Variants in PCDHGA7 observed in about 807,000 individuals in gnomAD.
The protein encoded by PCDHGA7 is protocadherin gamma subfamily A, 7.
A neutral mutation model predicts 58.3 loss-of-function variants in PCDHGA7; 44 were observed. The ratio of observed to expected loss-of-function variants is 0.75; its 90% confidence interval spans 0.59 to 0.97. The LOEUF (loss-of-function observed/expected upper bound fraction) is 0.97, where lower values mean the gene tolerates loss of function less well. Ranked by LOEUF, PCDHGA7 falls within the 50% of genes least tolerant of loss-of-function variation. The pLI is 0.00. For synonymous variants in PCDHGA7, 516 were observed against 504.2 expected (o/e 1.02, Z -0.31); for missense variants, 1,266 against 1,188.7 (o/e 1.06, Z -0.96).
chr5:141,433,939 A>T (rs1015984226), intron 1 of PCDHGA7, among the ~76,000 whole-genome samples: 2 of 151,714 alleles, frequency 1.3e-5, no homozygotes, highest in Non-Finnish European at 2.9e-5. Context: ...TTATAATTCC[A>T]TTGTTTCTTC....
At chr5:141,409,847 C>T (rs2095325421) in intron 1 of PCDHGA7, 3 of 1,611,712 alleles carry the variant, frequency 1.9e-6, no homozygotes, top group East Asian at 2.2e-5. Context: ...CGTGAGCCTG[C>T]GCGTGTTGGT....
intron 1 of PCDHGA7, chr5:141,422,357 C>G: frequency 6.4e-7 from 1 of 1,557,656 alleles, no homozygotes; most frequent in African/African-American, 1.4e-5. Flanking sequence ...GATCAAGATT[C>G]TGGAGAAAAT....
At chr5:141,428,146 C>T (rs549173211) in intron 1 of PCDHGA7, 15 of 1,589,346 alleles carry the variant, frequency 9.4e-6, no homozygotes, top group East Asian at 2.2e-5. Context: ...GGGCTGCACA[C>T]GGGAACCTGC....
rs746318177 is a variant in PCDHGA7 at position 141,431,715 on chromosome 5, T to G, written c.2424+46392T>G. On this transcript the variant is annotated intron_variant, in intron 1 of 3. Coordinates refer to ENST00000518325, the MANE Select transcript of PCDHGA7 (RefSeq NM_018920.4). The surrounding 1 kb of genome is among the most constrained non-coding windows in gnomAD (Gnocchi z 4.8). Reference sequence around the variant, plus strand: ...GAGTCAGGATTCTACCAGATGGAAGTGCAAGCAATGGATAATGCAGGATAT... The same window carrying G: ...GAGTCAGGATTCTACCAGATGGAAGGGCAAGCAATGGATAATGCAGGATAT... 5.6e-6 allele frequency: 9 copies of G among 1,614,178 alleles called. No homozygotes were observed. The highest frequency in any genetic ancestry group is 6.8e-6 in the Non-Finnish European group (8 of 1,180,042).
chr5:141,476,535 T>C lies in PCDHGA7; in HGVS notation c.2425-18272T>C. 5 of 1,614,038 alleles carry C rather than the reference T, an allele frequency of 3.1e-6. No individual in the cohort carries two copies. The highest frequency in any genetic ancestry group is 4.2e-6 in the Non-Finnish European group (5 of 1,180,010). On this transcript the variant is annotated intron_variant, in intron 1 of 3. Coordinates refer to ENST00000518325, the MANE Select transcript of PCDHGA7 (RefSeq NM_018920.4). The surrounding 1 kb of genome is among the most constrained non-coding windows in gnomAD (Gnocchi z 7.6). ...AATCCTGCTTTCCCTACCCAGGAAA[T>C]GAAATTGGAGATTAGCGAGGCCGTG...
chr5:141,487,593 C>G lies in PCDHGA7; in HGVS notation c.2425-7214C>G. The G allele has an allele frequency of 6.2e-7, 1 of 1,614,206 alleles. No homozygotes were observed. Among genetic ancestry groups the G allele is most frequent in the African/African-American group, 1.3e-5 (1 of 75,062 alleles). On this transcript the variant is annotated intron_variant, in intron 1 of 3. Coordinates refer to ENST00000518325, the MANE Select transcript of PCDHGA7 (RefSeq NM_018920.4). This position sits in a 1 kb window ranked among gnomAD's most constrained non-coding sequence, Gnocchi z 5.0. ...CCTGTTCGCCCAAGCTGCCCACCCT[C>G]TGATCTTCTCTATGGGCTAGAGGTG...
In PCDHGA7 at chr5:141,407,982, G is replaced by C. The variant is rs976187867; in HGVS notation, c.2424+22659G>C. On this transcript the variant is annotated intron_variant, in intron 1 of 3. Coordinates refer to ENST00000518325, the MANE Select transcript of PCDHGA7 (RefSeq NM_018920.4). Reference sequence around the variant, plus strand: ...GAGCAAGCGCTGACGCCGGGGATCCGTCAGCCTCTGGCCTGGGATTCCCTG... The same window carrying C: ...GAGCAAGCGCTGACGCCGGGGATCCCTCAGCCTCTGGCCTGGGATTCCCTG... 1.5e-4 allele frequency: 114 copies of C among 783,006 alleles called. 1 individual carries two copies. Among genetic ancestry groups the C allele is most frequent in the African/African-American group, 9.1e-4 (52 of 57,436 alleles). The allele number at this position is 783,006 out of a possible 1,614,324, so 48.5% of individuals were successfully genotyped here.
intron 1 of PCDHGA7, chr5:141,417,858 C>A (rs561149517): frequency 1.3e-6 from 2 of 1,547,240 alleles, no homozygotes; most frequent in African/African-American, 1.4e-5. Context: ...CCCGAGCGAA[C>A]GATGGGAGGG....
At chr5:141,398,396 T>A (rs1191920974) in intron 1 of PCDHGA7, 1 of 1,465,660 alleles carries the variant, frequency 6.8e-7, no homozygotes, top group South Asian at 1.2e-5. Flanking sequence ...AGCAGCAGGC[T>A]AGACAGGGAG....
intron 1 of PCDHGA7, among the ~76,000 whole-genome samples, chr5:141,461,968 C>A (rs2099027589): frequency 6.6e-6 from 1 of 152,204 alleles, no homozygotes; most frequent in African/African-American, 2.4e-5. Context: ...GGATTCCAGG[C>A]ATATGCCACC....
intron 1 of PCDHGA7, among the ~76,000 whole-genome samples, chr5:141,475,732 C>T (rs2099367914): frequency 6.6e-6 from 1 of 152,248 alleles, no homozygotes; most frequent in Non-Finnish European, 1.5e-5. Context: ...GCTGGCTTTC[C>T]CTAAGGTAGG....
At chr5:141,461,291 C>A (rs892436619) in intron 1 of PCDHGA7, among the ~76,000 whole-genome samples, 1 of 152,128 alleles carries the variant, frequency 6.6e-6, no homozygotes, top group African/African-American at 2.4e-5. Flanking sequence ...CACATCCACA[C>A]CAACATCTAT....
At chr5:141,500,809 A>G (rs1018522111) in intron 2 of PCDHGA7, among the ~76,000 whole-genome samples, 1 of 152,324 alleles carries the variant, frequency 6.6e-6, no homozygotes, top group African/African-American at 2.4e-5. Context: ...CCTCATATGA[A>G]TATACATATT....
chr5:141,384,433 G>A lies in PCDHGA7; in HGVS notation c.1534G>A (p.Gly512Arg), dbSNP rs1351940709. Residue 512 changes from glycine (G) to arginine (R), a missense_variant, in exon 1 of 4, where the codon GGA becomes AGA. Coordinates refer to ENST00000518325, the MANE Select transcript of PCDHGA7 (RefSeq NM_018920.4). ...CTATGTCTCCATAAACTCTGACACT[G>A]GAGTCCTGTACGCGCTGCAATCCTT... The part of the protein sequence containing the change: ...SSYVSINSDT[G>R]VLYALQSFDY... The A allele has an allele frequency of 6.2e-7, 1 of 1,613,998 alleles. No individual in the cohort carries two copies.
In PCDHGA7 at chr5:141,489,984, T is replaced by C; in HGVS notation, c.2425-4823T>C. The C allele has an allele frequency of 1.2e-6, 2 of 1,614,212 alleles. No homozygotes were observed. Among genetic ancestry groups the C allele is most frequent in the South Asian group, 1.1e-5 (1 of 91,090 alleles). ...CAACCTTCCAATCCTCAGTTCTACG[T>C]GTGGGAATCCCAGAGAATGCACCCA... On this transcript the variant is annotated intron_variant, in intron 1 of 3. Transcript: ENST00000518325. The surrounding 1 kb of genome is among the most constrained non-coding windows in gnomAD (Gnocchi z 4.5).
At chr5:141,430,680 C>T (rs990086941) in intron 1 of PCDHGA7, 1 of 1,343,242 alleles carries the variant, frequency 7.4e-7, no homozygotes, top group Non-Finnish European at 1.0e-6. Flanking sequence ...TCCCAACTGT[C>T]CCATTCTATG....
At chr5:141,405,096 G>A (rs2094608531) in intron 1 of PCDHGA7, 6 of 1,613,808 alleles carry the variant, frequency 3.7e-6, no homozygotes, top group Admixed American at 1.7e-5. Flanking sequence ...CTGGCCCTCA[G>A]GCTGAGGCAC....
chr5:141,478,445 G>C (rs773567457), intron 1 of PCDHGA7: 1 of 1,613,570 alleles, frequency 6.2e-7, no homozygotes, highest in Non-Finnish European at 8.5e-7. Flanking sequence ...GAAGAAACCT[G>C]GTGCAGCCAG....
rs2096665320 is a variant in PCDHGA7 at position 141,422,696 on chromosome 5, A to G, written c.2424+37373A>G. The G allele has an allele frequency of 3.1e-6, 5 of 1,602,638 alleles. No homozygotes were observed. The highest frequency in any genetic ancestry group is 4.3e-6 in the Non-Finnish European group (5 of 1,174,110). On this transcript the variant is annotated intron_variant, in intron 1 of 3. Coordinates refer to ENST00000518325, the MANE Select transcript of PCDHGA7 (RefSeq NM_018920.4). Reference sequence around the variant, plus strand: ...AGCAAACAGAATGCCCTGGTCACTTACTCTCTGACGGATGACACTGTCCAG... The same window carrying G: ...AGCAAACAGAATGCCCTGGTCACTTGCTCTCTGACGGATGACACTGTCCAG...
Sources: allele counts gnomAD v4.1 joint callset (sites outside exome capture counted in the v4.1 genomes callset), GRCh38; gene constraint gnomAD v4.1.1; non-coding constraint Gnocchi (gnomAD v3.1); transcripts MANE v1.5; gene names NCBI Gene and HGNC (gene_info 2026-07-23, HGNC 2026-07-21).